Variants in POFUT3 observed in about 807,000 individuals in gnomAD.
POFUT3 encodes protein O-fucosyltransferase 3, also known as GDP-fucose protein O-fucosyltransferase 3.
the POFUT3 span, among the ~76,000 whole-genome samples, chr8:33,437,128 C>T: frequency 2.0e-5 from 3 of 152,238 alleles, no homozygotes; most frequent in South Asian, 2.1e-4. Context: ...TAGTATTCCA[C>T]GGTGTATATG....
At chr8:33,327,001 T>C in the POFUT3 span, among the ~76,000 whole-genome samples, 40,629 of 152,092 alleles carry the variant, frequency 0.27, 5,841 homozygotes, top group South Asian at 0.5. Flanking sequence ...TGGTCTTGAA[T>C]GCCTGGCCTT....
At chr8:33,331,757 G>T in the POFUT3 span, among the ~76,000 whole-genome samples, 2 of 151,894 alleles carry the variant, frequency 1.3e-5, no homozygotes, top group Non-Finnish European at 2.9e-5. Flanking sequence ...CTCACTGCAA[G>T]CTCCGCCTCC....
chr8:33,446,071 G>A, the POFUT3 span, among the ~76,000 whole-genome samples: 1 of 152,246 alleles, frequency 6.6e-6, no homozygotes, highest in East Asian at 1.9e-4. Flanking sequence ...AGCTGGAGAG[G>A]GAGGGAGAAG....
chr8:33,363,036 A>G, the POFUT3 span, among the ~76,000 whole-genome samples: 1 of 152,240 alleles, frequency 6.6e-6, no homozygotes, highest in Non-Finnish European at 1.5e-5. Flanking sequence ...GCTCCTCAGC[A>G]AATGTAAAAG....
the POFUT3 span, among the ~76,000 whole-genome samples, chr8:33,441,896 T>C: frequency 2.6e-5 from 4 of 152,164 alleles, no homozygotes; most frequent in Admixed American, 6.6e-5. Flanking sequence ...ATCTGTGCCC[T>C]GCCTCCCAAT....
the POFUT3 span, among the ~76,000 whole-genome samples, chr8:33,463,663 G>C: frequency 3.3e-4 from 50 of 152,190 alleles, no homozygotes; most frequent in African/African-American, 1.2e-3. Flanking sequence ...TCCCACCTCA[G>C]CCTCCCGAGT....
At chr8:33,312,923 CT>C in the POFUT3 span, among the ~76,000 whole-genome samples, 5 of 152,110 alleles carry the variant, frequency 3.3e-5, no homozygotes, top group African/African-American at 1.2e-4. Flanking sequence ...GCATACCACC[CT>C]GCCTCCTCGG....
the POFUT3 span, among the ~76,000 whole-genome samples, chr8:33,404,174 C>T: frequency 6.6e-6 from 1 of 152,110 alleles, no homozygotes; most frequent in African/African-American, 2.4e-5. Context: ...CCCGTCTTGA[C>T]TAAAAATACA....
At chr8:33,308,150 T>TGGCA in the POFUT3 span, among the ~76,000 whole-genome samples, 1 of 152,210 alleles carries the variant, frequency 6.6e-6, no homozygotes, top group Non-Finnish European at 1.5e-5. Context: ...ATAATGTTGT[T>TGGCA]ATACTATGTG....
At chr8:33,440,368 C>CTAAT in the POFUT3 span, among the ~76,000 whole-genome samples, 50 of 151,968 alleles carry the variant, frequency 3.3e-4, 1 homozygote, top group Non-Finnish European at 6.2e-4. Context: ...TCTCAAGAAA[C>CTAAT]TAATTAATTA....
At chr8:33,461,346 C>T in the POFUT3 span, 9 of 1,590,164 alleles carry the variant, frequency 5.7e-6, no homozygotes, top group Non-Finnish European at 7.7e-6. Context: ...CAGCTATCAA[C>T]ACTACACAAC....
chr8:33,432,852 C>A, the POFUT3 span, among the ~76,000 whole-genome samples: 1 of 152,080 alleles, frequency 6.6e-6, no homozygotes, highest in African/African-American at 2.4e-5. Context: ...GATAAAATAA[C>A]CAAGGTCTAA....
the POFUT3 span, among the ~76,000 whole-genome samples, chr8:33,423,895 A>T: frequency 6.6e-6 from 1 of 150,480 alleles, no homozygotes; most frequent in African/African-American, 2.4e-5. Flanking sequence ...TCCTAGCACT[A>T]TTGGAGGCCA....
At chr8:33,375,047 AT>A in the POFUT3 span, among the ~76,000 whole-genome samples, 2 of 150,978 alleles carry the variant, frequency 1.3e-5, no homozygotes, top group East Asian at 1.9e-4. Context: ...TGTCCAGCTA[AT>A]TTTTTTTATT....
At chr8:33,326,372 G>T in the POFUT3 span, among the ~76,000 whole-genome samples, 1 of 152,014 alleles carries the variant, frequency 6.6e-6, no homozygotes, top group Non-Finnish European at 1.5e-5. Context: ...CCCACTCTAC[G>T]TCTATCTGAG....
chr8:33,436,649 TCTCCCGCTGTGTAGC>T, the POFUT3 span: 477 of 860,026 alleles, frequency 5.5e-4, 3 homozygotes, highest in East Asian at 0.01. Context: ...AGTGAGCGAA[TCTCCCGCTGTGTAGC>T]CTCCCAGGGC....
the POFUT3 span, among the ~76,000 whole-genome samples, chr8:33,467,537 T>G: frequency 0.54 from 81,820 of 151,724 alleles, 22,396 homozygotes; most frequent in Non-Finnish European, 0.59. Context: ...CCATCTGAAA[T>G]GGACTCTCAC....
chr8:33,436,254 A>T, the POFUT3 span: 9 of 1,361,578 alleles, frequency 6.6e-6, no homozygotes, highest in Non-Finnish European at 9.4e-6. Context: ...GCACAACAAC[A>T]GCTCGGAATT....
At chr8:33,372,857 A>G in the POFUT3 span, 1 of 1,522,684 alleles carries the variant, frequency 6.6e-7, no homozygotes, top group South Asian at 1.2e-5. Flanking sequence ...ATGAAGCACA[A>G]TTCCCTTAAA....
Sources: allele counts gnomAD v4.1 joint callset (sites outside exome capture counted in the v4.1 genomes callset), GRCh38; gene constraint gnomAD v4.1.1; transcripts MANE v1.5; gene names NCBI Gene and HGNC (gene_info 2026-07-23, HGNC 2026-07-21).